The following IPO9 variants were observed in gnomAD, a reference collection of about 807,000 sequenced individuals.
The protein encoded by IPO9 is importin-9.
IPO9 carries 28 observed loss-of-function variants against 128.6 expected under a neutral mutation model. That is an observed-to-expected ratio of 0.22 (90% CI 0.16 to 0.30). The LOEUF is 0.30. Ranked by LOEUF, IPO9 falls within the 10% of genes least tolerant of loss-of-function variation. The probability of loss-of-function intolerance (pLI) is 1.00; values close to 1 mark genes in which losing one functional copy is unlikely to be tolerated. For synonymous variants in IPO9, 455 were observed against 475.8 expected, an observed-to-expected ratio of 0.96 and a Z score of 0.57; for missense variants, 935 against 1,293.9, an observed-to-expected ratio of 0.72 and a Z score of 4.26.
rs775889623 is a variant in IPO9, at chr1:201,868,620, G to T, written c.1856-28G>T. 4.4e-6 allele frequency: 7 copies of T among 1,599,748 alleles called. No homozygotes were observed. In the African/African-American group the frequency reaches 8.0e-5, roughly 18 times the overall value. Reference sequence around the variant, plus strand: ...AGCAGATGCAGACCATCAGGCAGGGGGATTCCGTGTTGCCTTATCCACTTC... The same window carrying T: ...AGCAGATGCAGACCATCAGGCAGGGTGATTCCGTGTTGCCTTATCCACTTC... On this transcript the variant is annotated intron_variant, in intron 15 of 23. Transcript: ENST00000361565.
At chr1:201,869,755 C>T in intron 17 of IPO9, 37 bp downstream of exon 17, 2 of 1,610,558 alleles carry the variant, frequency 1.2e-6, no homozygotes, top group Non-Finnish European at 1.7e-6. Flanking sequence ...GGGAAGATAG[C>T]TCCCCAGCCA....
intron 15 of IPO9, among the ~76,000 whole-genome samples, chr1:201,867,441 A>G (rs1202595048): frequency 1.3e-5 from 2 of 152,168 alleles, no homozygotes; most frequent in African/African-American, 4.8e-5. Flanking sequence ...ATAAAATGAA[A>G]TACTGTGCAG....
At chr1:201,844,257 T>G (rs905409476) in intron 1 of IPO9, among the ~76,000 whole-genome samples, 2 of 152,168 alleles carry the variant, frequency 1.3e-5, no homozygotes, top group Admixed American at 1.3e-4. Context: ...CTCCCTAATA[T>G]GATATACTGA....
At chr1:201,853,565 T>C (rs1680265403) in intron 6 of IPO9, among the ~76,000 whole-genome samples, 1 of 151,754 alleles carries the variant, frequency 6.6e-6, no homozygotes, top group Non-Finnish European at 1.5e-5. Flanking sequence ...TTTGGGTTTT[T>C]TTTGAGACAA....
rs1216314938 is a variant in IPO9 at position 201,839,803 on chromosome 1, G to A, written c.164-7476G>A. On this transcript the variant is annotated intron_variant, in intron 1 of 23. Coordinates refer to ENST00000361565, the MANE Select transcript of IPO9 (RefSeq NM_018085.5). ...AGACAATAAAAGAAAATATTTTATT[G>A]ATAAATTTGACTACATAAAATTTTT... 3.3e-5 allele frequency among the ~76,000 whole-genome samples: 5 copies of A among 151,910 alleles called. No individual in the cohort carries two copies. The East Asian group carries it at 7.7e-4, about 23-fold the overall frequency.
Position 201,866,781 on chromosome 1 carries a change from C to T in IPO9, c.1677C>T (p.Pro559=), listed in dbSNP as rs1680561433. Residue 559 remains proline, a synonymous_variant, in exon 15 of 24, where the codon CCC becomes CCT. Coordinates refer to ENST00000361565, the MANE Select transcript of IPO9 (RefSeq NM_018085.5). The part of the protein sequence containing the change: ...KVSESTHVLQ[P]FLPSILDGLI... ...CAGAGAGTACCCACGTGCTCCAGCC[C>T]TTCCTCCCCAGCATCCTTGATGGCT... 1 of 1,613,992 alleles carries T rather than the reference C, an allele frequency of 6.2e-7. No homozygotes were observed. Among genetic ancestry groups the T allele is most frequent in the African/African-American group, 1.3e-5 (1 of 74,884 alleles).
At position 201,855,259 on chromosome 1, in the gene IPO9, A is replaced by G. The variant is rs971877288; in HGVS notation, c.970+77A>G. 18 of 890,960 alleles carry G rather than the reference A, an allele frequency of 2.0e-5. No individual in the cohort carries two copies. In the African/African-American group the frequency reaches 2.8e-4, roughly 14 times the overall value. 55.2% of individuals were successfully genotyped at this position (890,960 alleles called of 1,614,324 possible). A position where few individuals can be genotyped will look rare whatever the true frequency, so the allele number is the denominator to read the frequency against. On this transcript the variant is annotated intron_variant, in intron 9 of 23. Coordinates refer to ENST00000361565, the MANE Select transcript of IPO9 (RefSeq NM_018085.5). ...AAGAAGCCAGAGATGGGGGCGGGAA[A>G]CAGTAACTTGAGAGGCTTCACTCTA...
Position 201,855,649 on chromosome 1 carries a change from A to G in IPO9, c.971-134A>G, listed in dbSNP as rs537006305. On this transcript the variant is annotated intron_variant, in intron 9 of 23. Transcript: ENST00000361565. ...TGTGACCTCTGAGCCCTCTCTCCCA[A>G]TTCCTCAGGAATGATCATTAGCAAG... is the stretch of plus-strand genomic sequence containing the variant. The G allele has an allele frequency of 1.4e-4, 109 of 780,012 alleles. 1 individual carries two copies. In the South Asian group the frequency reaches 1.9e-3, roughly 13 times the overall value. The allele number at this position is 780,012 out of a possible 1,614,324, so 48.3% of individuals were successfully genotyped here. A position where few individuals can be genotyped will look rare whatever the true frequency, so the allele number is the denominator to read the frequency against.
At chr1:201,864,572 G>T (rs970586142) in intron 14 of IPO9, among the ~76,000 whole-genome samples, 4 of 152,210 alleles carry the variant, frequency 2.6e-5, no homozygotes, top group African/African-American at 9.7e-5. Flanking sequence ...GATTTCATTG[G>T]AGAATTATCC....
chr1:201,868,885 C>A, intron 16 of IPO9, 89 bp downstream of exon 16: 1 of 1,422,686 alleles, frequency 7.0e-7, no homozygotes, highest in South Asian at 1.5e-5. Context: ...AACCTAATAG[C>A]GTTAGAGATT....
rs1553288153 is a variant in IPO9, at chr1:201,833,243, T to TA, written c.163+3873dup. Among the ~76,000 whole-genome samples the TA allele has an allele frequency of 9.4e-5, 12 of 128,150 alleles. 1 individual carries two copies. Among genetic ancestry groups the TA allele is most frequent in the Non-Finnish European group, 1.3e-4 (8 of 60,662 alleles). 84.1% of individuals were successfully genotyped at this position (128,150 alleles called of 152,430 possible). A position where few individuals can be genotyped will look rare whatever the true frequency, so the allele number is the denominator to read the frequency against. On this transcript the variant is annotated intron_variant, in intron 1 of 23. Transcript: ENST00000361565. The stretch of plus-strand genomic sequence containing the variant: ...CCTGGAATGATTTTTTTTTTTTTTT[T>TA]AATTTTATTTTTTGAGACAGAGTCT...
Position 201,870,606 on chromosome 1 carries a change from C to T in IPO9, c.2157C>T (p.Ala719=). The T allele has an allele frequency of 6.2e-7, 1 of 1,614,088 alleles. No individual in the cohort carries two copies. The highest frequency in any genetic ancestry group is 8.5e-7 in the Non-Finnish European group (1 of 1,179,950). ...TMQNGGECLR[A]YVSVTLEQVA... ...AGAATGGCGGAGAGTGCTTGCGGGC[C>T]TATGTGTCAGTGACCCTGGAACAAG... The change falls in exon 18 of 24, where the codon GCC becomes GCT. Residue 719 remains alanine, a synonymous_variant. Coordinates refer to ENST00000361565, the MANE Select transcript of IPO9 (RefSeq NM_018085.5). The surrounding 1 kb of genome is among the most constrained non-coding windows in gnomAD (Gnocchi z 4.9).
intron 10 of IPO9, among the ~76,000 whole-genome samples, 189 bp downstream of exon 10, chr1:201,856,123 A>G (rs1038359742): frequency 6.3e-5 from 9 of 142,592 alleles, no homozygotes; most frequent in Non-Finnish European, 1.5e-5. Flanking sequence ...TCACCACCAT[A>G]CCTGGCTTTT....
Position 201,881,822 on chromosome 1 carries a change from A to T in IPO9, c.*5768A>T, listed in dbSNP as rs1447778543. On this transcript the variant is annotated 3_prime_UTR_variant, in exon 24 of 24. Transcript: ENST00000361565. ...CAGCTACAGCAGTCCAGGTGGGAAA[A>T]CCCAGAGCCTGAACTAAGGTTGTAA... 1.3e-5 allele frequency: 2 copies of T among 152,202 alleles called. No individual in the cohort carries two copies. Among genetic ancestry groups the T allele is most frequent in the African/African-American group, 4.8e-5 (2 of 41,420 alleles). 9.4% of individuals were successfully genotyped at this position (152,202 alleles called of 1,614,324 possible).
chr1:201,857,906 A>G (rs536600304), intron 11 of IPO9, among the ~76,000 whole-genome samples: 2 of 152,350 alleles, frequency 1.3e-5, no homozygotes, highest in South Asian at 4.1e-4. Flanking sequence ...TGAAAGATTA[A>G]CATCCAAATA....
chr1:201,836,077 ACTCCAGCC>A (rs1208072289), intron 1 of IPO9, among the ~76,000 whole-genome samples: 1 of 125,816 alleles, frequency 7.9e-6, no homozygotes, highest in Non-Finnish European at 1.6e-5. Context: ...ACACCACTGC[ACTCCAGCC>A]CTCCAGCCTG....
chr1:201,837,075 C>G (rs935035307), intron 1 of IPO9, among the ~76,000 whole-genome samples: 2 of 152,152 alleles, frequency 1.3e-5, no homozygotes, highest in African/African-American at 2.4e-5. Context: ...GTACAGATCC[C>G]TTGGCTAACT....
At chr1:201,830,601 T>C (rs1679815950) in intron 1 of IPO9, among the ~76,000 whole-genome samples, 1 of 152,230 alleles carries the variant, frequency 6.6e-6, no homozygotes, top group South Asian at 2.1e-4. Context: ...GAAAGCTGTT[T>C]GAGAACCATG....
At position 201,835,831 on chromosome 1, in the gene IPO9, CG is replaced by C. The variant is rs200311043; in HGVS notation, c.163+6462del. Among the ~76,000 whole-genome samples, 9 of 152,180 alleles carry C rather than the reference CG, an allele frequency of 5.9e-5. No homozygotes were observed. The East Asian group carries it at 1.7e-3, about 29-fold the overall frequency. The stretch of plus-strand genomic sequence containing the variant: ...AGACATTGTGTTAAAGACACCAGGC[CG>C]GGCACAGTGTGGCTCACTCCTGTAA... On this transcript the variant is annotated intron_variant, in intron 1 of 23. Transcript: ENST00000361565.
Sources: allele counts gnomAD v4.1 joint callset (sites outside exome capture counted in the v4.1 genomes callset), GRCh38; gene constraint gnomAD v4.1.1; non-coding constraint Gnocchi (gnomAD v3.1); transcripts MANE v1.5; gene names NCBI Gene and HGNC (gene_info 2026-07-23, HGNC 2026-07-21).